Variants in ADGRL4 observed in about 807,000 individuals in gnomAD.
ADGRL4 encodes the protein EGF, latrophilin and seven transmembrane domain containing 1.
ADGRL4 carries 90 observed loss-of-function variants against 74.8 expected under a neutral mutation model. The observed-to-expected ratio is 1.20, with a 90% CI of 1.02 to 1.43. The LOEUF is 1.43. ADGRL4 is among the 40% of genes most tolerant of loss of function. The pLI, the probability that ADGRL4 is intolerant of heterozygous loss-of-function variation, is 0.00. For synonymous variants in ADGRL4, 311 were observed against 279.2 expected (o/e 1.11, Z -1.14); for missense variants, 881 against 814.3 (o/e 1.08, Z -1.00).
At chr1:78,908,211 C>T (rs533335217) in intron 12 of ADGRL4, among the ~76,000 whole-genome samples, 1 of 151,916 alleles carries the variant, frequency 6.6e-6, no homozygotes, top group East Asian at 1.9e-4. Flanking sequence ...TGTAGTAGAT[C>T]AGCTTGGGGA....
At chr1:78,996,654 G>A (rs539609819) in intron 2 of ADGRL4, among the ~76,000 whole-genome samples, 5 of 152,142 alleles carry the variant, frequency 3.3e-5, no homozygotes, top group Admixed American at 2.6e-4. Flanking sequence ...ATGAATATTA[G>A]GCCTTCCATG....
chr1:78,982,801 C>G (rs1650422438), intron 2 of ADGRL4, among the ~76,000 whole-genome samples: 1 of 151,616 alleles, frequency 6.6e-6, no homozygotes, highest in Non-Finnish European at 1.5e-5. Flanking sequence ...CTCAGAAATG[C>G]TTTCTGGGGG....
chr1:78,981,597 G>A (rs1304607347), intron 2 of ADGRL4, among the ~76,000 whole-genome samples: 1 of 151,798 alleles, frequency 6.6e-6, no homozygotes, highest in African/African-American at 2.4e-5. Context: ...TAGCATTGAT[G>A]ATCATTTTAC....
chr1:78,958,369 A>G (rs573556841), intron 2 of ADGRL4, among the ~76,000 whole-genome samples: 2 of 152,150 alleles, frequency 1.3e-5, no homozygotes, highest in Non-Finnish European at 2.9e-5. Context: ...GAAACTCTGG[A>G]AATGATTCAC....
intron 3 of ADGRL4, among the ~76,000 whole-genome samples, chr1:78,945,769 C>G (rs1315309553): frequency 6.6e-6 from 1 of 151,988 alleles, no homozygotes; most frequent in Non-Finnish European, 1.5e-5. Flanking sequence ...CTCTAGTGTT[C>G]AGAAAAACTT....
chr1:78,919,046 A>G (rs1648942706), intron 10 of ADGRL4, among the ~76,000 whole-genome samples: 1 of 152,016 alleles, frequency 6.6e-6, no homozygotes, highest in Non-Finnish European at 1.5e-5. Flanking sequence ...GATACATAAA[A>G]TTGAAAAGTG....
chr1:78,891,179 G>A lies in ADGRL4; in HGVS notation c.2048C>T (p.Pro683Leu), dbSNP rs1648262835. 3.1e-6 allele frequency: 5 copies of A among 1,610,086 alleles called. No homozygotes were observed. The South Asian group carries it at 3.3e-5, about 11-fold the overall frequency. ...TTACCTTAAACATCCAAAACAACAG[G>A]GGACATTTTTGAACAATCTGTAATA... ...EEYYRLFKNV[P>L]CCFGCLR Residue 683 changes from proline (P) to leucine (L), a missense_variant, in exon 15 of 15, where the codon CCC (proline) becomes CTC (leucine). Physicochemically the swap from Pro to Leu is moderately conservative, Grantham distance 98. Transcript: ENST00000370742.
At chr1:78,929,508 C>T (rs1202093266) in intron 7 of ADGRL4, among the ~76,000 whole-genome samples, 1 of 151,338 alleles carries the variant, frequency 6.6e-6, no homozygotes, top group Non-Finnish European at 1.5e-5. Context: ...AGGGTGAGGC[C>T]TTGTCTCAAA....
Position 78,893,128 on chromosome 1 carries a change from T to C in ADGRL4, c.1811A>G (p.Lys604Arg). Residue 604 changes from lysine (K) to arginine (R), a missense_variant, in exon 13 of 15, where the codon AAA (lysine) becomes AGA (arginine). Transcript: ENST00000370742. ...YKVFRHTAGL[K>R]PEVSCFENIR... ...GTTCTCAAAGCAACTAACTTCTGGT[T>C]TCAACCCTGCAGTGTGACGAAAAAC... The C allele has an allele frequency of 6.2e-7, 1 of 1,601,184 alleles. No individual in the cohort carries two copies. The highest frequency in any genetic ancestry group is 8.5e-7 in the Non-Finnish European group (1 of 1,175,168).
chr1:78,978,769 T>C (rs12724878), intron 2 of ADGRL4, among the ~76,000 whole-genome samples: 45,399 of 151,756 alleles, frequency 0.3, 7,238 homozygotes, highest in South Asian at 0.42. Flanking sequence ...AGTTAGAAGA[T>C]TGAAGTCAAG....
chr1:78,893,191 T>A lies in ADGRL4; in HGVS notation c.1750-2A>T. Reference sequence around the variant, plus strand: ...GACTCCAAAAGCCAAGAGATTAACCTGGAAAAAGAATTAATTTCAAAGAAG... The same window carrying A: ...GACTCCAAAAGCCAAGAGATTAACCAGGAAAAAGAATTAATTTCAAAGAAG... On this transcript the variant is annotated splice_acceptor_variant, in intron 12 of 14. Transcript: ENST00000370742. LOFTEE classifies it high-confidence loss of function. 6.3e-7 allele frequency: 1 copy of A among 1,575,344 alleles called. No individual in the cohort carries two copies. Among genetic ancestry groups the A allele is most frequent in the Non-Finnish European group, 8.7e-7 (1 of 1,155,054 alleles).
At chr1:78,933,623 A>G (rs565991365) in intron 7 of ADGRL4, among the ~76,000 whole-genome samples, 1 of 151,558 alleles carries the variant, frequency 6.6e-6, no homozygotes, top group South Asian at 2.1e-4. Context: ...TCAAATAGGA[A>G]GAGAGGAAGT....
intron 2 of ADGRL4, among the ~76,000 whole-genome samples, chr1:78,990,951 A>G (rs1347099450): frequency 6.6e-6 from 1 of 152,004 alleles, no homozygotes; most frequent in Non-Finnish European, 1.5e-5. Context: ...AAATATCAAT[A>G]ATTTGCCACA....
Position 78,975,784 on chromosome 1 carries a change from G to A in ADGRL4, c.172+29286C>T, listed in dbSNP as rs74093949. Among the ~76,000 whole-genome samples the A allele has an allele frequency of 6.3e-3, 958 of 151,806 alleles. 13 individuals are homozygous for A. The highest frequency in any genetic ancestry group is 0.023 in the African/African-American group (935 of 41,456). ...GGAACTAAGAGCAACCTAGTATTTA[G>A]AATAAAAGGACTATGCTTATAGTGA... On this transcript the variant is annotated intron_variant, in intron 2 of 14. Transcript: ENST00000370742.
chr1:78,976,796 G>GAA (rs376649900), intron 2 of ADGRL4, among the ~76,000 whole-genome samples: 1 of 133,752 alleles, frequency 7.5e-6, no homozygotes. Context: ...AGCCTTCCAA[G>GAA]AAAAAAAAAA....
intron 12 of ADGRL4, among the ~76,000 whole-genome samples, chr1:78,894,146 C>A (rs542029500): frequency 1.3e-5 from 2 of 151,994 alleles, no homozygotes; most frequent in East Asian, 3.9e-4. Context: ...TCAGCTAATT[C>A]TTCTACTAGT....
chr1:78,936,464 A>G, intron 6 of ADGRL4, 53 bp from the exon 7 acceptor site: 1 of 1,395,484 alleles, frequency 7.2e-7, no homozygotes, highest in Non-Finnish European at 9.7e-7. Context: ...ATCAATATAC[A>G]TCATAAATAT....
At chr1:78,959,795 C>T (rs1649907871) in intron 2 of ADGRL4, among the ~76,000 whole-genome samples, 1 of 152,124 alleles carries the variant, frequency 6.6e-6, no homozygotes, top group Admixed American at 6.6e-5. Context: ...ACCTTGCTCT[C>T]TCAAGGATAG....
chr1:78,965,787 A>G (rs1169397575), intron 2 of ADGRL4, among the ~76,000 whole-genome samples: 1 of 152,208 alleles, frequency 6.6e-6, no homozygotes, highest in African/African-American at 2.4e-5. Flanking sequence ...TGAAAATACT[A>G]AAAGTACAGA....
Sources: allele counts gnomAD v4.1 joint callset (sites outside exome capture counted in the v4.1 genomes callset), GRCh38; gene constraint gnomAD v4.1.1; transcripts MANE v1.5; gene names NCBI Gene and HGNC (gene_info 2026-07-23, HGNC 2026-07-21).